The following SYT14 variants were observed in gnomAD, a reference collection of about 807,000 sequenced individuals.
The protein encoded by SYT14 is synaptotagmin 14.
In SYT14, 32 loss-of-function variants were observed where a neutral mutation model predicts 74.2. The observed-to-expected ratio is 0.43, with a 90% CI of 0.33 to 0.58. The LOEUF (loss-of-function observed/expected upper bound fraction) is 0.58. Among genes scored for constraint, SYT14 ranks in the 20% least tolerant of loss-of-function variants. The pLI is 0.05. For missense variants in SYT14, 791 were observed against 981.8 expected (o/e 0.81, Z 2.60); for synonymous variants, 298 against 337.7 (o/e 0.88, Z 1.29).
chr1:210,012,655 TTTG>T (rs2080107244), intron 2 of SYT14, among the ~76,000 whole-genome samples: 1 of 152,104 alleles, frequency 6.6e-6, no homozygotes, highest in South Asian at 2.1e-4. Flanking sequence ...TCTCATAAAT[TTTG>T]TTAAGTAATA....
chr1:210,118,442 C>G (rs893886072), intron 7 of SYT14, among the ~76,000 whole-genome samples: 3 of 151,900 alleles, frequency 2.0e-5, no homozygotes, highest in Non-Finnish European at 4.4e-5. Context: ...TTACAGTGTT[C>G]CCGAGTAAGT....
intron 7 of SYT14, among the ~76,000 whole-genome samples, chr1:210,126,760 T>A (rs991203294): frequency 1.3e-5 from 2 of 152,226 alleles, no homozygotes; most frequent in South Asian, 4.1e-4. Context: ...GAAAAAGTGC[T>A]GAATTCTCTC....
chr1:210,091,808 T>A (rs890279639), intron 5 of SYT14, among the ~76,000 whole-genome samples: 2 of 152,222 alleles, frequency 1.3e-5, no homozygotes, highest in East Asian at 1.9e-4. Context: ...TTCTGATTAA[T>A]TTAAGCCAAT....
chr1:210,170,817 A>G (rs1321820152), exon 10 of SYT14: 7 of 152,164 alleles, frequency 4.6e-5, no homozygotes, highest in Non-Finnish European at 1.0e-4. Context: ...GTGCTATAAA[A>G]TATTACTCTC....
chr1:210,068,380 C>T (rs2081334565), intron 5 of SYT14, among the ~76,000 whole-genome samples: 1 of 151,594 alleles, frequency 6.6e-6, no homozygotes, highest in South Asian at 2.1e-4. Flanking sequence ...CTCTTGCTAT[C>T]TTTGTTTGAG....
chr1:210,124,094 ATTTGT>A (rs1038154782), intron 7 of SYT14, among the ~76,000 whole-genome samples: 13 of 152,298 alleles, frequency 8.5e-5, no homozygotes, highest in Middle Eastern at 6.8e-3. Flanking sequence ...AGCACTGCCT[ATTTGT>A]TTTCATATTG....
At chr1:210,017,181 C>T (rs2080202637) in intron 4 of SYT14, 4 of 1,012,286 alleles carry the variant, frequency 4.0e-6, no homozygotes, top group African/African-American at 1.7e-5. Flanking sequence ...CCAAATTTCT[C>T]AGCTTTCCTG....
chr1:210,051,825 G>C (rs2081002840), intron 5 of SYT14, among the ~76,000 whole-genome samples: 1 of 152,034 alleles, frequency 6.6e-6, no homozygotes, highest in Non-Finnish European at 1.5e-5. Flanking sequence ...CTACCTTTCA[G>C]ACCACTTTTT....
chr1:210,045,140 C>T (rs1275463999), intron 5 of SYT14, among the ~76,000 whole-genome samples: 1 of 152,102 alleles, frequency 6.6e-6, no homozygotes, highest in Non-Finnish European at 1.5e-5. Context: ...CTTGAATAGA[C>T]TCATTTCATT....
At chr1:210,036,950 T>C (rs1572194132) in intron 5 of SYT14, among the ~76,000 whole-genome samples, 2 of 152,080 alleles carry the variant, frequency 1.3e-5, no homozygotes, top group East Asian at 1.9e-4. Flanking sequence ...CTTTGTAGAA[T>C]GAGTTGGGGA....
intron 5 of SYT14, among the ~76,000 whole-genome samples, chr1:210,043,778 G>A (rs1279935799): frequency 1.3e-5 from 2 of 152,090 alleles, no homozygotes; most frequent in African/African-American, 4.8e-5. Flanking sequence ...CTGTGAGTCT[G>A]TTTACTCAGA....
In SYT14 at chr1:209,967,987, T is replaced by A. The variant is rs72649926; in HGVS notation, c.-486+15231T>A. ...TTACCTGCTCCTACACTAAATTTTTTAAAAAAATCAGTATATTGAACTAAC... is the reference window on the plus strand; with the variant it reads ...TTACCTGCTCCTACACTAAATTTTTAAAAAAAATCAGTATATTGAACTAAC... On this transcript the variant is annotated intron_variant, in intron 2 of 9. Coordinates refer to ENST00000637265, the Ensembl canonical transcript of SYT14. Among the ~76,000 whole-genome samples, 2,289 of 152,248 alleles carry A rather than the reference T, an allele frequency of 0.015. 166 individuals carry two copies. In the East Asian group the frequency reaches 0.23, roughly 16 times the overall value.
At chr1:209,953,926 A>G (rs1419918370) in intron 2 of SYT14, among the ~76,000 whole-genome samples, 1 of 152,194 alleles carries the variant, frequency 6.6e-6, no homozygotes, top group Non-Finnish European at 1.5e-5. Flanking sequence ...CTTACCTAAA[A>G]TGGAGGTAGG....
At chr1:210,064,120 A>G (rs1016962037) in intron 5 of SYT14, among the ~76,000 whole-genome samples, 4 of 152,000 alleles carry the variant, frequency 2.6e-5, no homozygotes, top group East Asian at 1.9e-4. Context: ...TTTATCTTGT[A>G]TAAGTGGGAC....
intron 7 of SYT14, among the ~76,000 whole-genome samples, chr1:210,142,390 G>C (rs1356400955): frequency 2.0e-5 from 3 of 152,004 alleles, no homozygotes; most frequent in Non-Finnish European, 4.4e-5. Flanking sequence ...TTCTGAAAAA[G>C]TTTTTTTTGA....
intron 2 of SYT14, among the ~76,000 whole-genome samples, chr1:209,993,455 C>A (rs1479570397): frequency 6.6e-6 from 1 of 152,212 alleles, no homozygotes; most frequent in Non-Finnish European, 1.5e-5. Context: ...TCTGGGTACC[C>A]CCAGAGCTCC....
At position 210,056,837 on chromosome 1, in the gene SYT14, A is replaced by ATTATTTATTTATTTAT. The variant is rs148786795; in HGVS notation, c.1312+35590_1312+35605dup. On this transcript the variant is annotated intron_variant, in intron 5 of 9. Coordinates refer to ENST00000637265, the Ensembl canonical transcript of SYT14. The stretch of plus-strand genomic sequence containing the variant: ...TTGAAAGCTTCCAGTTGTTACTATT[A>ATTATTTATTTATTTAT]TTATTTATTTATTTATTTATTTTTG... Among the ~76,000 whole-genome samples the ATTATTTATTTATTTAT allele has an allele frequency of 6.9e-4, 103 of 148,328 alleles. 1 individual carries two copies. In the East Asian group the frequency reaches 9.2e-3, roughly 13 times the overall value.
intron 2 of SYT14, among the ~76,000 whole-genome samples, chr1:209,990,742 T>C (rs1299131680): frequency 8.2e-6 from 1 of 122,022 alleles, no homozygotes; most frequent in East Asian, 2.3e-4. Context: ...TATACACTTA[T>C]ATATATACCC....
intron 7 of SYT14, among the ~76,000 whole-genome samples, chr1:210,137,176 C>T (rs547238971): frequency 1.3e-5 from 2 of 152,292 alleles, no homozygotes; most frequent in African/African-American, 4.8e-5. Flanking sequence ...CCTCTGAAGG[C>T]CCAAACAATA....
Sources: allele counts gnomAD v4.1 joint callset (sites outside exome capture counted in the v4.1 genomes callset), GRCh38; gene constraint gnomAD v4.1.1; transcripts MANE v1.5; gene names NCBI Gene and HGNC (gene_info 2026-07-23, HGNC 2026-07-21).